IPCEF1: variants seen among roughly 807,000 people sequenced by gnomAD.
The protein encoded by IPCEF1 is interactor protein for cytohesin exchange factors 1.
In IPCEF1, 31 loss-of-function variants were observed where a neutral mutation model predicts 50.9. The observed-to-expected ratio is 0.61, with a 90% CI of 0.46 to 0.82. The LOEUF is 0.82. Among genes scored for constraint, IPCEF1 ranks in the 40% least tolerant of loss-of-function variants. The pLI, the probability that IPCEF1 is intolerant of heterozygous loss-of-function variation, is 0.00. For missense variants in IPCEF1, 458 were observed against 514.0 expected (o/e 0.89, Z 1.05); for synonymous variants, 181 against 192.0 (o/e 0.94, Z 0.47).
At chr6:154,222,497 C>T (rs1778944231) in intron 6 of IPCEF1, among the ~76,000 whole-genome samples, 1 of 152,226 alleles carries the variant, frequency 6.6e-6, no homozygotes, top group African/African-American at 2.4e-5. Context: ...AAAATGGACA[C>T]ATACGCAAAA....
intron 10 of IPCEF1, among the ~76,000 whole-genome samples, chr6:154,186,701 C>T (rs1415456798): frequency 6.6e-6 from 1 of 152,036 alleles, no homozygotes; most frequent in African/African-American, 2.4e-5. Context: ...GGACTACAGG[C>T]GCCCGCCATC....
chr6:154,193,161 T>C (rs980975426), intron 10 of IPCEF1, among the ~76,000 whole-genome samples: 2 of 152,156 alleles, frequency 1.3e-5, no homozygotes, highest in Non-Finnish European at 2.9e-5. Flanking sequence ...CTGTGGTACA[T>C]ATATACCATA....
chr6:154,256,568 CGT>C (rs67830808), intron 3 of IPCEF1, among the ~76,000 whole-genome samples: 82,252 of 147,374 alleles, frequency 0.56, 22,945 homozygotes, highest in South Asian at 0.76. Context: ...TCTCTCTGTG[CGT>C]GTGTGTGTGT....
At chr6:154,205,635 A>C (rs1310333523) in intron 9 of IPCEF1, among the ~76,000 whole-genome samples, 3 of 152,162 alleles carry the variant, frequency 2.0e-5, no homozygotes, top group Non-Finnish European at 4.4e-5. Flanking sequence ...ACATTAATTT[A>C]TTATGTATTA....
chr6:154,288,676 C>CAAAAAAAAAAAAAAAAAA (rs558703057), intron 2 of IPCEF1, among the ~76,000 whole-genome samples: 24 of 46,792 alleles, frequency 5.1e-4, no homozygotes, highest in Non-Finnish European at 9.9e-4. Context: ...ACAAAAAAAA[C>CAAAAAAAAAAAAAAAAAA]AAAAAAAAAA....
chr6:154,198,434 T>C (rs550054676), intron 10 of IPCEF1, among the ~76,000 whole-genome samples: 1 of 152,168 alleles, frequency 6.6e-6, no homozygotes, highest in Non-Finnish European at 1.5e-5. Context: ...TGCCAGACTT[T>C]ATTTACTCCA....
chr6:154,265,342 G>A (rs1350391118), intron 3 of IPCEF1, among the ~76,000 whole-genome samples: 8 of 151,412 alleles, frequency 5.3e-5, no homozygotes, highest in East Asian at 1.9e-4. Flanking sequence ...GTGCAGTGGC[G>A]CGATCTCGGC....
intron 9 of IPCEF1, among the ~76,000 whole-genome samples, chr6:154,200,935 GA>G (rs1777018124): frequency 1.3e-5 from 2 of 152,106 alleles, no homozygotes; most frequent in African/African-American, 4.8e-5. Context: ...CCCACATGTC[GA>G]GGGAGGGACC....
At chr6:154,271,605 G>A (rs1781904026) in intron 2 of IPCEF1, among the ~76,000 whole-genome samples, 1 of 152,092 alleles carries the variant, frequency 6.6e-6, no homozygotes, top group Admixed American at 6.5e-5. Context: ...CTACATGTAT[G>A]ACAAAAACTT....
chr6:154,351,124 A>G (rs920356659), intron 1 of IPCEF1, among the ~76,000 whole-genome samples: 9 of 152,246 alleles, frequency 5.9e-5, no homozygotes, highest in African/African-American at 2.2e-4. Flanking sequence ...CAGGCAGGAC[A>G]CTCAAGTCTC....
At chr6:154,172,285 G>A (rs1799936792) in intron 10 of IPCEF1, among the ~76,000 whole-genome samples, 1 of 152,208 alleles carries the variant, frequency 6.6e-6, no homozygotes, top group Non-Finnish European at 1.5e-5. Flanking sequence ...CATTGGGACT[G>A]GTTGGACAGT....
In IPCEF1 at chr6:154,266,413, A is replaced by G. The variant is rs149646893; in HGVS notation, c.-17-449T>C. ...AAAAAATTTTTTTTAATGAATAAAT[A>G]AATAAATAGCTTTTTATTTCAGAAC... On this transcript the variant is annotated intron_variant, in intron 2 of 11. Coordinates refer to ENST00000367220, the MANE Select transcript of IPCEF1 (RefSeq NM_001130700.2). Among the ~76,000 whole-genome samples, 484 of 152,094 alleles carry G rather than the reference A, an allele frequency of 3.2e-3. 1 individual carries two copies. The highest frequency in any genetic ancestry group is 9.6e-3 in the African/African-American group (400 of 41,524).
At chr6:154,277,236 C>T (rs574860465) in intron 2 of IPCEF1, among the ~76,000 whole-genome samples, 2 of 152,292 alleles carry the variant, frequency 1.3e-5, no homozygotes, top group East Asian at 3.9e-4. Context: ...GCTGAAAAAT[C>T]TGGGTTAGTG....
intron 3 of IPCEF1, among the ~76,000 whole-genome samples, chr6:154,252,602 G>A (rs1781364663): frequency 6.6e-6 from 1 of 152,174 alleles, no homozygotes; most frequent in African/African-American, 2.4e-5. Context: ...TTGAACCCCA[G>A]AGACGGAGGC....
intron 1 of IPCEF1, among the ~76,000 whole-genome samples, chr6:154,344,560 T>A (rs532910405): frequency 6.6e-6 from 1 of 152,184 alleles, no homozygotes; most frequent in Non-Finnish European, 1.5e-5. Context: ...GTTTAGCAAC[T>A]GGCAGCATAA....
intron 9 of IPCEF1, among the ~76,000 whole-genome samples, chr6:154,203,482 T>C (rs1427535337): frequency 6.6e-6 from 1 of 152,238 alleles, no homozygotes; most frequent in African/African-American, 2.4e-5. Context: ...TCTGTATCCA[T>C]GGATTCCAAA....
intron 4 of IPCEF1, 50 bp from the exon 5 acceptor site, chr6:154,246,810 G>A: frequency 6.3e-7 from 1 of 1,585,148 alleles, no homozygotes; most frequent in Non-Finnish European, 8.6e-7. Context: ...TGATTTGGTA[G>A]GTAAAGTATT....
chr6:154,226,299 C>T (rs1779246217), intron 5 of IPCEF1, among the ~76,000 whole-genome samples: 1 of 152,186 alleles, frequency 6.6e-6, no homozygotes, highest in Non-Finnish European at 1.5e-5. Flanking sequence ...GAGCTCCTGT[C>T]CCAGATTTCC....
chr6:154,193,124 C>A (rs755843393), intron 10 of IPCEF1, among the ~76,000 whole-genome samples: 3 of 152,132 alleles, frequency 2.0e-5, no homozygotes, highest in African/African-American at 4.8e-5. Flanking sequence ...GCCCAGATGC[C>A]CATCAGTCAA....
Sources: gnomAD v4.1 joint callset for allele counts (sites outside exome capture counted in the v4.1 genomes callset) on GRCh38, gnomAD v4.1.1 for gene constraint, MANE v1.5 for transcripts, NCBI Gene and HGNC (gene_info 2026-07-23, HGNC 2026-07-21) for gene names.